PDE3A: variants seen among roughly 807,000 people sequenced by gnomAD.
PDE3A encodes cGMP-inhibited 3',5'-cyclic phosphodiesterase 3A.
In PDE3A, 43 loss-of-function variants were observed where a neutral mutation model predicts 98.3. The observed-to-expected ratio is 0.44, with a 90% CI of 0.34 to 0.56. PDE3A has a LOEUF of 0.56. PDE3A is among the 20% of genes least tolerant of loss of function. The probability of loss-of-function intolerance (pLI) is 0.01; values close to 1 mark genes in which losing one functional copy is unlikely to be tolerated. For synonymous variants in PDE3A, 663 were observed against 567.9 expected (o/e 1.17, Z -2.38); for missense variants, 1,427 against 1,440.7 (o/e 0.99, Z 0.15).
At chr12:20,668,808 G>T (rs1433218109) in intron 15 of PDE3A, among the ~76,000 whole-genome samples, 2 of 151,710 alleles carry the variant, frequency 1.3e-5, no homozygotes, top group Non-Finnish European at 2.9e-5. Flanking sequence ...TCCTCCAAAG[G>T]AACGCAGTTC....
At chr12:20,441,340 A>T (rs1184419254) in intron 1 of PDE3A, among the ~76,000 whole-genome samples, 1 of 152,170 alleles carries the variant, frequency 6.6e-6, no homozygotes, top group Non-Finnish European at 1.5e-5. Flanking sequence ...GAATTTGAAC[A>T]GGGAGAGACC....
At chr12:20,670,587 C>G (rs923621097) in intron 15 of PDE3A, among the ~76,000 whole-genome samples, 31 of 151,918 alleles carry the variant, frequency 2.0e-4, no homozygotes, top group African/African-American at 7.0e-4. Flanking sequence ...ACAACCTGCT[C>G]CTGAATGACT....
intron 2 of PDE3A, among the ~76,000 whole-genome samples, chr12:20,559,939 C>G (rs956938087): frequency 6.6e-6 from 1 of 152,150 alleles, no homozygotes; most frequent in African/African-American, 2.4e-5. Flanking sequence ...GCAACTCTTA[C>G]AGCAATTACT....
chr12:20,677,802 G>C (rs559631801), intron 15 of PDE3A, among the ~76,000 whole-genome samples: 20 of 95,170 alleles, frequency 2.1e-4, no homozygotes, highest in African/African-American at 8.4e-4. Context: ...GCTGCCAGTT[G>C]GGTAAAGTTC....
chr12:20,563,215 A>G (rs1201631679), intron 2 of PDE3A, among the ~76,000 whole-genome samples: 1 of 152,222 alleles, frequency 6.6e-6, no homozygotes, highest in Non-Finnish European at 1.5e-5. Context: ...TCATTTGCCT[A>G]CTAATGGCCT....
intron 1 of PDE3A, among the ~76,000 whole-genome samples, chr12:20,408,622 C>T (rs187609925): frequency 2.0e-5 from 3 of 152,210 alleles, no homozygotes; most frequent in East Asian, 1.9e-4. Flanking sequence ...TTCAACATGA[C>T]ATCTGTTCTC....
intron 1 of PDE3A, among the ~76,000 whole-genome samples, chr12:20,509,263 C>T (rs1396750120): frequency 6.6e-6 from 1 of 151,996 alleles, no homozygotes; most frequent in East Asian, 1.9e-4. Context: ...TTAAACAGGA[C>T]CCATAGCATG....
chr12:20,629,784 G>A, intron 5 of PDE3A, 124 bp from the exon 6 acceptor site: 1 of 711,602 alleles, frequency 1.4e-6, no homozygotes, highest in Non-Finnish European at 2.5e-6. Flanking sequence ...GAGGAGGCCA[G>A]CCCGGTGACC....
chr12:20,669,819 A>G (rs1353033957), intron 15 of PDE3A, among the ~76,000 whole-genome samples: 1 of 152,130 alleles, frequency 6.6e-6, no homozygotes, highest in Non-Finnish European at 1.5e-5. Context: ...AGCTAACATC[A>G]TAATGACAGG....
intron 9 of PDE3A, among the ~76,000 whole-genome samples, chr12:20,638,742 T>TG (rs1944577049): frequency 6.6e-6 from 1 of 152,164 alleles, no homozygotes; most frequent in African/African-American, 2.4e-5. Flanking sequence ...TGATTTTATT[T>TG]TTTTGCTAGG....
At chr12:20,577,883 G>C (rs2121332158) in intron 2 of PDE3A, among the ~76,000 whole-genome samples, 1 of 152,276 alleles carries the variant, frequency 6.6e-6, no homozygotes, top group South Asian at 2.1e-4. Flanking sequence ...AAAATATAAA[G>C]ACAATTGAAG....
chr12:20,589,124 C>T (rs1337541405), intron 2 of PDE3A, among the ~76,000 whole-genome samples: 1 of 151,930 alleles, frequency 6.6e-6, no homozygotes, highest in African/African-American at 2.4e-5. Flanking sequence ...TGGGGTTTCA[C>T]CGTGTTAGCC....
intron 1 of PDE3A, among the ~76,000 whole-genome samples, chr12:20,544,649 C>T (rs920405840): frequency 1.3e-5 from 2 of 151,822 alleles, no homozygotes; most frequent in African/African-American, 2.4e-5. Flanking sequence ...AGAATAAAAA[C>T]GTTTATGATT....
chr12:20,542,788 T>C (rs908367921), intron 1 of PDE3A, among the ~76,000 whole-genome samples: 6 of 152,114 alleles, frequency 3.9e-5, no homozygotes, highest in African/African-American at 1.4e-4. Flanking sequence ...TAGATTAGTC[T>C]CCTGAAGTTG....
At chr12:20,666,729 G>A (rs537182851) in intron 15 of PDE3A, among the ~76,000 whole-genome samples, 8 of 152,284 alleles carry the variant, frequency 5.3e-5, no homozygotes, top group Non-Finnish European at 7.4e-5. Flanking sequence ...GAAGACTGCT[G>A]CAATAAATAT....
At chr12:20,449,629 G>C (rs12313682) in intron 1 of PDE3A, 19,296 of 397,844 alleles carry the variant, frequency 0.049, 573 homozygotes, top group Middle Eastern at 0.079. Flanking sequence ...AGCCAATTGT[G>C]GCAGATTTTA....
chr12:20,535,681 C>T (rs935851901), intron 1 of PDE3A, among the ~76,000 whole-genome samples: 1 of 152,034 alleles, frequency 6.6e-6, no homozygotes, highest in Non-Finnish European at 1.5e-5. Flanking sequence ...TATTTTTCTT[C>T]CCTATTAAAA....
At chr12:20,493,905 C>T (rs1036049274) in intron 1 of PDE3A, among the ~76,000 whole-genome samples, 1 of 152,244 alleles carries the variant, frequency 6.6e-6, no homozygotes, top group African/African-American at 2.4e-5. Flanking sequence ...GTTGGGATTA[C>T]AGGCGTGAGC....
At chr12:20,412,669 T>C (rs1565540986) in intron 1 of PDE3A, among the ~76,000 whole-genome samples, 1 of 152,180 alleles carries the variant, frequency 6.6e-6, no homozygotes, top group Non-Finnish European at 1.5e-5. Context: ...GTAAAGAATA[T>C]TGTTTAGCCC....
Sources: allele counts gnomAD v4.1 joint callset (sites outside exome capture counted in the v4.1 genomes callset), GRCh38; gene constraint gnomAD v4.1.1; transcripts MANE v1.5; gene names NCBI Gene and HGNC (gene_info 2026-07-23, HGNC 2026-07-21).